The following PRKCA variants were observed in gnomAD, a reference collection of about 807,000 sequenced individuals.
PRKCA encodes protein kinase C alpha.
Under a neutral mutation model 87.0 loss-of-function variants are expected in PRKCA, and 27 were observed. The observed-to-expected ratio is 0.31, with a 90% CI of 0.23 to 0.43. The LOEUF (loss-of-function observed/expected upper bound fraction) is 0.43, where lower values mean the gene tolerates loss of function less well. Ranked by LOEUF, PRKCA falls within the 20% of genes least tolerant of loss-of-function variation. The probability of loss-of-function intolerance (pLI) is 1.00; values close to 1 mark genes in which losing one functional copy is unlikely to be tolerated. For synonymous variants in PRKCA, 329 were observed against 311.1 expected (o/e 1.06, Z -0.61); for missense variants, 518 against 852.3 (o/e 0.61, Z 4.88).
intron 2 of PRKCA, among the ~76,000 whole-genome samples, chr17:66,349,665 C>A (rs1363995994): frequency 6.6e-6 from 1 of 152,132 alleles, no homozygotes; most frequent in Admixed American, 6.5e-5. Flanking sequence ...TGTCCAGGTC[C>A]TGTATTCTCA....
At chr17:66,626,964 C>G (rs1009006176) in intron 3 of PRKCA, among the ~76,000 whole-genome samples, 3 of 152,180 alleles carry the variant, frequency 2.0e-5, no homozygotes, top group African/African-American at 7.2e-5. Flanking sequence ...ACATCCCTCC[C>G]TCTCCCCTTT....
At chr17:66,589,728 C>T (rs73993950) in intron 3 of PRKCA, among the ~76,000 whole-genome samples, 7,208 of 152,108 alleles carry the variant, frequency 0.047, 581 homozygotes, top group African/African-American at 0.16. Flanking sequence ...ATTGGGGATA[C>T]GAAGATGATA....
chr17:66,389,002 G>A (rs893882695), intron 2 of PRKCA, among the ~76,000 whole-genome samples: 3 of 152,204 alleles, frequency 2.0e-5, no homozygotes, highest in Non-Finnish European at 2.9e-5. Context: ...TCGTGAATTC[G>A]TGGACATTGA....
chr17:66,616,141 G>A (rs935719334), intron 3 of PRKCA, among the ~76,000 whole-genome samples: 1 of 152,128 alleles, frequency 6.6e-6, no homozygotes, highest in Admixed American at 6.5e-5. Context: ...GTCTGACTGG[G>A]CCCTAGCAAA....
rs1425119371 is a variant in PRKCA, at chr17:66,544,967, T to C, written c.288+48684T>C. Among the ~76,000 whole-genome samples the C allele has an allele frequency of 3.9e-5, 6 of 152,328 alleles. No homozygotes were observed. The East Asian group carries it at 1.2e-3, about 29-fold the overall frequency. On this transcript the variant is annotated intron_variant, in intron 3 of 16. Coordinates refer to ENST00000413366, the MANE Select transcript of PRKCA (RefSeq NM_002737.3). ...AATAAATTACCATTATTTTCTCTATTTTACAGATCACGAAATGATAAGTAA... is the reference window on the plus strand; with the variant it reads ...AATAAATTACCATTATTTTCTCTATCTTACAGATCACGAAATGATAAGTAA...
At chr17:66,584,091 C>A (rs774104629) in intron 3 of PRKCA, among the ~76,000 whole-genome samples, 7 of 152,138 alleles carry the variant, frequency 4.6e-5, no homozygotes, top group Non-Finnish European at 7.3e-5. Context: ...TTCCTTCCCC[C>A]ACGTCGTCCT....
intron 3 of PRKCA, among the ~76,000 whole-genome samples, chr17:66,500,622 G>T (rs140904031): frequency 7.3e-4 from 111 of 152,326 alleles, no homozygotes; most frequent in African/African-American, 2.3e-3. Flanking sequence ...TGGGCTTGTG[G>T]TTGATTCTTT....
At position 66,482,181 on chromosome 17, in the gene PRKCA, T is replaced by C. The variant is rs116205974; in HGVS notation, c.206-14020T>C. Among the ~76,000 whole-genome samples, 927 of 150,408 alleles carry C rather than the reference T, an allele frequency of 6.2e-3. 12 individuals carry two copies. The highest frequency in any genetic ancestry group is 0.022 in the African/African-American group (876 of 40,700). ...TATGAAATTGCAAAGACTAGAAGGA[T>C]ACATGTGGGTCTTGCAAGGCCTTGC... On this transcript the variant is annotated intron_variant, in intron 2 of 16. Coordinates refer to ENST00000413366, the MANE Select transcript of PRKCA (RefSeq NM_002737.3).
At chr17:66,433,233 TG>T (rs1439367771) in intron 2 of PRKCA, among the ~76,000 whole-genome samples, 12 of 152,286 alleles carry the variant, frequency 7.9e-5, no homozygotes, top group African/African-American at 2.9e-4. Context: ...GTGTGTGCCC[TG>T]GAGGAAACCC....
intron 2 of PRKCA, among the ~76,000 whole-genome samples, chr17:66,490,703 C>G (rs1386724116): frequency 6.6e-6 from 1 of 152,066 alleles, no homozygotes; most frequent in Admixed American, 6.5e-5. Flanking sequence ...GCCTCAGCCT[C>G]CCAGGTAGCT....
intron 3 of PRKCA, among the ~76,000 whole-genome samples, chr17:66,528,717 T>C (rs1967435934): frequency 6.6e-6 from 1 of 152,192 alleles, no homozygotes; most frequent in African/African-American, 2.4e-5. Context: ...TTTAAGTCAC[T>C]AAGTTTGTGG....
At chr17:66,516,219 G>A (rs1301203379) in intron 3 of PRKCA, among the ~76,000 whole-genome samples, 1 of 152,188 alleles carries the variant, frequency 6.6e-6, no homozygotes, top group East Asian at 1.9e-4. Context: ...TGCAGCACAG[G>A]CTGCGGGTAT....
intron 2 of PRKCA, among the ~76,000 whole-genome samples, chr17:66,489,741 T>C (rs1916153228): frequency 6.6e-6 from 1 of 151,954 alleles, no homozygotes; most frequent in Non-Finnish European, 1.5e-5. Flanking sequence ...TTCTTTCTTT[T>C]CCTTCCTTCC....
At chr17:66,673,958 C>T (rs981853616) in intron 5 of PRKCA, among the ~76,000 whole-genome samples, 1 of 152,198 alleles carries the variant, frequency 6.6e-6, no homozygotes. Context: ...TTTCTTCGCC[C>T]GTGAAAAGGC....
At chr17:66,421,428 G>GTTTTTTTTTTTTT (rs55825622) in intron 2 of PRKCA, among the ~76,000 whole-genome samples, 1 of 116,906 alleles carries the variant, frequency 8.6e-6, no homozygotes, top group African/African-American at 3.0e-5. Context: ...CACAGCCTCT[G>GTTTTTTTTTTTTT]TTTTTTTTTT....
At position 66,735,624 on chromosome 17, in the gene PRKCA, C is replaced by T. The variant is rs1477516481; in HGVS notation, c.1192C>T (p.Pro398Ser). 1 of 1,614,152 alleles carries T rather than the reference C, an allele frequency of 6.2e-7. No individual in the cohort carries two copies. The highest frequency in any genetic ancestry group is 8.5e-7 in the Non-Finnish European group (1 of 1,180,048). ...AGTCTTGGCCCTGCTTGACAAACCC[C>T]CGTTCTTGACGCAGCTGCACTCCTG... ...KRVLALLDKPPFLTQLHSCFQ... is the reference protein window; with the variant it reads ...KRVLALLDKPSFLTQLHSCFQ... The change falls in exon 10 of 17, where the codon CCG becomes TCG. Residue 398 changes from proline (P) to serine (S), a missense_variant. Transcript: ENST00000413366.
intron 8 of PRKCA, among the ~76,000 whole-genome samples, chr17:66,704,825 GT>G (rs901767220): frequency 7.9e-5 from 12 of 152,196 alleles, no homozygotes; most frequent in Non-Finnish European, 1.0e-4. Context: ...ATGAGACTCT[GT>G]TGCTAGGTTA....
Position 66,786,941 on chromosome 17 carries a change from C to T in PRKCA, c.1680C>T (p.Ser560=). ...IMEHNVSYPK[S]LSKEAVSVCK... ...AGCACAACGTTTCCTATCCAAAATC[C>T]TTGTCCAAGGAGGCTGTTTCTGTCT... The change falls in exon 15 of 17, where the codon TCC becomes TCT. Residue 560 remains serine, a synonymous_variant. Coordinates refer to ENST00000413366, the MANE Select transcript of PRKCA (RefSeq NM_002737.3). 1 of 1,613,966 alleles carries T rather than the reference C, an allele frequency of 6.2e-7. No individual in the cohort carries two copies. Among genetic ancestry groups the T allele is most frequent in the Non-Finnish European group, 8.5e-7 (1 of 1,179,834 alleles).
intron 8 of PRKCA, among the ~76,000 whole-genome samples, chr17:66,695,520 T>C (rs961466867): frequency 2.0e-5 from 3 of 152,226 alleles, no homozygotes; most frequent in Non-Finnish European, 4.4e-5. Context: ...TTTCCTTAAA[T>C]GAGCCTACAC....
Sources: allele counts gnomAD v4.1 joint callset (sites outside exome capture counted in the v4.1 genomes callset), GRCh38; gene constraint gnomAD v4.1.1; transcripts MANE v1.5; gene names NCBI Gene and HGNC (gene_info 2026-07-23, HGNC 2026-07-21).